PARD3B: variants seen among roughly 807,000 people sequenced by gnomAD.
The protein encoded by PARD3B is partitioning defective 3 homolog B.
PARD3B carries 103 observed loss-of-function variants against 130.2 expected under a neutral mutation model. The ratio of observed to expected loss-of-function variants is 0.79; its 90% CI spans 0.67 to 0.93. The LOEUF is 0.93. Among genes scored for constraint, PARD3B ranks in the 40% least tolerant of loss-of-function variants. The pLI, the probability that PARD3B is intolerant of heterozygous loss-of-function variation, is 0.00. For missense variants in PARD3B, 1,609 were observed against 1,499.2 expected, an observed-to-expected ratio of 1.07 and a Z score of -1.21; for synonymous variants, 583 against 553.2, an observed-to-expected ratio of 1.05 and a Z score of -0.76.
At chr2:204,749,021 A>G (rs1419522055) in intron 2 of PARD3B, among the ~76,000 whole-genome samples, 2 of 151,996 alleles carry the variant, frequency 1.3e-5, no homozygotes, top group Non-Finnish European at 2.9e-5. Flanking sequence ...TCAAGGGTAA[A>G]ATTTTATATA....
Position 205,253,311 on chromosome 2 carries a change from C to T in PARD3B, c.2185+7489C>T. 1.9e-6 allele frequency: 1 copy of T among 517,346 alleles called. No individual in the cohort carries two copies. Among genetic ancestry groups the T allele is most frequent in the South Asian group, 1.5e-5 (1 of 67,812 alleles). 32.0% of individuals were successfully genotyped at this position (517,346 alleles called of 1,614,324 possible). ...GTATTAACACAAAGGCTCTGGCCGCCCCCCTACAAAGGAGGCCATGGAACC... is the reference window on the plus strand; with the variant it reads ...GTATTAACACAAAGGCTCTGGCCGCTCCCCTACAAAGGAGGCCATGGAACC... On this transcript the variant is annotated intron_variant, in intron 16 of 22. Coordinates refer to ENST00000406610, the MANE Select transcript of PARD3B (RefSeq NM_001302769.2). The surrounding 1 kb of genome is among the most constrained non-coding windows in gnomAD (Gnocchi z 4.4).
intron 18 of PARD3B, among the ~76,000 whole-genome samples, chr2:205,391,065 G>T (rs557897880): frequency 2.0e-5 from 3 of 152,308 alleles, no homozygotes; most frequent in African/African-American, 7.2e-5. Context: ...ATGAATCTGT[G>T]GCCAGTGTGG....
At chr2:204,819,318 C>A (rs1408431295) in intron 2 of PARD3B, among the ~76,000 whole-genome samples, 2 of 152,138 alleles carry the variant, frequency 1.3e-5, no homozygotes, top group Non-Finnish European at 2.9e-5. Flanking sequence ...TTTTCATTAT[C>A]ATATTTGTTA....
chr2:205,412,381 G>A (rs888295878), intron 19 of PARD3B, among the ~76,000 whole-genome samples: 1 of 152,190 alleles, frequency 6.6e-6, no homozygotes, highest in Non-Finnish European at 1.5e-5. Flanking sequence ...TTAAACAACA[G>A]TAACAACAAT....
Position 205,078,989 on chromosome 2 carries a change from A to C in PARD3B, c.505-25437A>C, listed in dbSNP as rs968556417. ...GAGCCTTGGCAGCAGCCGACTCTAC[A>C]TCTGACTGCAGCCTTGTGAGAGACC... On this transcript the variant is annotated intron_variant, in intron 4 of 22. Transcript: ENST00000406610. This position sits in a 1 kb window ranked among gnomAD's most constrained non-coding sequence, Gnocchi z 4.0. Among the ~76,000 whole-genome samples, 12 of 152,202 alleles carry C rather than the reference A, an allele frequency of 7.9e-5. No homozygotes were observed. Among genetic ancestry groups the C allele is most frequent in the Non-Finnish European group, 1.8e-4 (12 of 68,032 alleles).
intron 3 of PARD3B, among the ~76,000 whole-genome samples, chr2:205,027,706 T>G (rs531559384): frequency 6.6e-6 from 1 of 152,320 alleles, no homozygotes; most frequent in East Asian, 1.9e-4. Context: ...GATGTTACAT[T>G]TAAGTCGTTA....
rs1401933796 is a variant in PARD3B at position 205,419,029 on chromosome 2, T to C, written c.2741+17906T>C. Among the ~76,000 whole-genome samples, 8 of 152,326 alleles carry C rather than the reference T, an allele frequency of 5.3e-5. No homozygotes were observed. In the East Asian group the frequency reaches 1.4e-3, roughly 26 times the overall value. On this transcript the variant is annotated intron_variant, in intron 19 of 22. Transcript: ENST00000406610. ...ATACTTATAAGTGGGTTACAAACTA[T>C]TCATTTGTATATAGTACTATGTAAT...
intron 3 of PARD3B, among the ~76,000 whole-genome samples, chr2:204,998,929 G>T (rs1694591399): frequency 6.6e-6 from 1 of 152,088 alleles, no homozygotes. Context: ...GGACAGGATG[G>T]TCTTGATCTC....
At chr2:204,786,920 T>C (rs2042029286) in intron 2 of PARD3B, among the ~76,000 whole-genome samples, 2 of 152,070 alleles carry the variant, frequency 1.3e-5, no homozygotes, top group South Asian at 4.1e-4. Flanking sequence ...TTGCCAGTCG[T>C]ACACTCTGGA....
intron 18 of PARD3B, among the ~76,000 whole-genome samples, chr2:205,339,576 G>A (rs4675519): frequency 0.59 from 90,404 of 152,040 alleles, 30,573 homozygotes; most frequent in South Asian, 0.77. Flanking sequence ...TTAAAGTGTT[G>A]GAGGTATTGG....
intron 3 of PARD3B, among the ~76,000 whole-genome samples, chr2:204,998,642 T>C (rs1373186264): frequency 6.6e-6 from 1 of 151,650 alleles, no homozygotes; most frequent in Non-Finnish European, 1.5e-5. Flanking sequence ...AAAGGAATGT[T>C]AAATTCTACT....
rs1377701673 is a variant in PARD3B, at chr2:205,265,146, G to T, written c.2185+19324G>T. 6.6e-6 allele frequency among the ~76,000 whole-genome samples: 1 copy of T among 151,932 alleles called. No homozygotes were observed. The highest frequency in any genetic ancestry group is 1.5e-5 in the Non-Finnish European group (1 of 67,904). ...ATTTTTTAGGCAAGAATGGTAATCG[G>T]TTCTGTTCTATTAGCCTCAGTGGTG... On this transcript the variant is annotated intron_variant, in intron 16 of 22. Transcript: ENST00000406610. This position sits in a 1 kb window ranked among gnomAD's most constrained non-coding sequence, Gnocchi z 4.3.
At chr2:205,504,361 A>C (rs2106352736) in intron 21 of PARD3B, among the ~76,000 whole-genome samples, 1 of 152,342 alleles carries the variant, frequency 6.6e-6, no homozygotes, top group Middle Eastern at 3.4e-3. Flanking sequence ...AAACACCAAA[A>C]GCAATGGCAA....
At chr2:205,336,546 A>G (rs923075613) in intron 18 of PARD3B, among the ~76,000 whole-genome samples, 2 of 152,188 alleles carry the variant, frequency 1.3e-5, no homozygotes, top group African/African-American at 4.8e-5. Flanking sequence ...TTTCTTCTGC[A>G]AGAGATGGTC....
chr2:205,055,273 A>T (rs1015206500), intron 4 of PARD3B, among the ~76,000 whole-genome samples: 1 of 152,204 alleles, frequency 6.6e-6, no homozygotes, highest in African/African-American at 2.4e-5. Context: ...ATTACATCTA[A>T]AGATTTCTCC....
intron 2 of PARD3B, among the ~76,000 whole-genome samples, chr2:204,895,533 A>G (rs2046611319): frequency 6.6e-6 from 1 of 152,090 alleles, no homozygotes; most frequent in Admixed American, 6.6e-5. Flanking sequence ...GAACATTTAT[A>G]CTATCACATA....
At chr2:204,859,103 A>C (rs1206652507) in intron 2 of PARD3B, among the ~76,000 whole-genome samples, 1 of 152,054 alleles carries the variant, frequency 6.6e-6, no homozygotes, top group African/African-American at 2.4e-5. Context: ...GTATGCTTCA[A>C]GGCAAAAAAA....
chr2:204,792,830 C>T lies in PARD3B; in HGVS notation c.222+106548C>T, dbSNP rs555512235. Reference sequence around the variant, plus strand: ...TTTCGATTCTTTCAGATGTCTTCTGCGCAAATTGCTTGATTACCTCCTACA... The same window carrying T: ...TTTCGATTCTTTCAGATGTCTTCTGTGCAAATTGCTTGATTACCTCCTACA... On this transcript the variant is annotated intron_variant, in intron 2 of 22. Coordinates refer to ENST00000406610, the MANE Select transcript of PARD3B (RefSeq NM_001302769.2). Among the ~76,000 whole-genome samples, 28 of 152,156 alleles carry T rather than the reference C, an allele frequency of 1.8e-4. 1 individual carries two copies. In the South Asian group the frequency reaches 1.9e-3, roughly 10 times the overall value.
chr2:205,332,852 G>A (rs2043186626), intron 18 of PARD3B, among the ~76,000 whole-genome samples: 1 of 152,158 alleles, frequency 6.6e-6, no homozygotes, highest in East Asian at 1.9e-4. Context: ...CCTCCCCACA[G>A]CCATATACAA....
Sources: allele counts gnomAD v4.1 joint callset (sites outside exome capture counted in the v4.1 genomes callset), GRCh38; gene constraint gnomAD v4.1.1; non-coding constraint Gnocchi (gnomAD v3.1); transcripts MANE v1.5; gene names NCBI Gene and HGNC (gene_info 2026-07-23, HGNC 2026-07-21).